DNM2: variants seen among roughly 807,000 people sequenced by gnomAD.
DNM2 encodes the protein dynamin 2.
A neutral mutation model predicts 99.0 loss-of-function variants in DNM2; 15 were observed. The observed-to-expected ratio is 0.15, with a 90% CI of 0.10 to 0.23. The LOEUF (loss-of-function observed/expected upper bound fraction) is 0.23. Ranked by LOEUF, DNM2 falls within the 10% of genes least tolerant of loss-of-function variation. The probability of loss-of-function intolerance (pLI) is 1.00; values close to 1 mark genes in which losing one functional copy is unlikely to be tolerated. For synonymous variants in DNM2, 525 were observed against 481.2 expected (o/e 1.09, Z -1.19); for missense variants, 742 against 1,189.4 (o/e 0.62, Z 5.53).
chr19:10,745,429 G>A (rs1316699787), intron 1 of DNM2, among the ~76,000 whole-genome samples: 2 of 152,214 alleles, frequency 1.3e-5, no homozygotes, highest in South Asian at 2.1e-4. Flanking sequence ...TTCTAGTTGG[G>A]ACTGTTAGAT....
intron 6 of DNM2, among the ~76,000 whole-genome samples, chr19:10,785,595 T>C (rs2071532649): frequency 6.6e-6 from 1 of 152,186 alleles, no homozygotes; most frequent in Admixed American, 6.5e-5. Flanking sequence ...CACACCTAGC[T>C]AATTTTTAAA....
intron 1 of DNM2, among the ~76,000 whole-genome samples, chr19:10,741,352 C>T (rs2069739101): frequency 6.6e-6 from 1 of 152,046 alleles, no homozygotes; most frequent in South Asian, 2.1e-4. Context: ...CCACCTCTGC[C>T]TCCCGAGTAG....
chr19:10,724,970 G>A (rs1157445380), intron 1 of DNM2, among the ~76,000 whole-genome samples: 2 of 152,242 alleles, frequency 1.3e-5, no homozygotes, highest in Admixed American at 1.3e-4. Context: ...TGCCTCAGTG[G>A]GTGCTGCACC....
chr19:10,822,779 G>A (rs943612855), intron 16 of DNM2, among the ~76,000 whole-genome samples: 2 of 151,174 alleles, frequency 1.3e-5, no homozygotes, highest in South Asian at 2.1e-4. Flanking sequence ...GATTACAGGC[G>A]TGAGCCACTG....
At chr19:10,734,207 G>A (rs1568268629) in intron 1 of DNM2, among the ~76,000 whole-genome samples, 1 of 151,364 alleles carries the variant, frequency 6.6e-6, no homozygotes, top group South Asian at 2.1e-4. Context: ...ATTGAGTGTG[G>A]TGGTATACAC....
chr19:10,820,109 G>C lies in DNM2; in HGVS notation c.1781+20G>C. 1 of 1,613,010 alleles carries C rather than the reference G, an allele frequency of 6.2e-7. No individual in the cohort carries two copies. Among genetic ancestry groups the C allele is most frequent in the Non-Finnish European group, 8.5e-7 (1 of 1,179,156 alleles). On this transcript the variant is annotated intron_variant, in intron 16 of 20. Coordinates refer to ENST00000389253, the MANE Select transcript of DNM2 (RefSeq NM_001005361.3). The surrounding 1 kb of genome is among the most constrained non-coding windows in gnomAD (Gnocchi z 4.3). ...GCAGAGGTGAGGGGCCCAGGGGCCT[G>C]GGGATGGCTCGGGGTGAAGACCAAT...
Position 10,783,079 on chromosome 19 carries a change from G to A in DNM2, c.808G>A (p.Asp270Asn), listed in dbSNP as rs1217925152. 30 of 1,613,484 alleles carry A rather than the reference G, an allele frequency of 1.9e-5. No homozygotes were observed. Among genetic ancestry groups the A allele is most frequent in the East Asian group, 6.7e-5 (3 of 44,902 alleles). Reference protein sequence around the residue: ...LSHPAYRHMADRMGTPHLQKT... With the variant: ...LSHPAYRHMANRMGTPHLQKT... ...CCACCCGGCCTACCGGCACATGGCC[G>A]ACCGCATGGGCACGCCACATCTGCA... The change falls in exon 6 of 21, where the codon GAC (aspartate) becomes AAC (asparagine). Residue 270 changes from aspartate to asparagine, a missense_variant. Physicochemically the swap from Asp to Asn is conservative, Grantham distance 23 (BLOSUM62 1). Coordinates refer to ENST00000389253, the MANE Select transcript of DNM2 (RefSeq NM_001005361.3).
intron 14 of DNM2, chr19:10,809,651 G>T (rs931384132): frequency 6.6e-6 from 1 of 152,364 alleles, no homozygotes; most frequent in African/African-American, 2.4e-5. Context: ...GCCTCAGCCC[G>T]GCTCTTACAC....
chr19:10,814,577 C>G (rs542078286), intron 15 of DNM2, among the ~76,000 whole-genome samples: 3 of 152,264 alleles, frequency 2.0e-5, no homozygotes, highest in South Asian at 4.1e-4. Context: ...TATGTTTGTA[C>G]CCATTAACCC....
chr19:10,794,754 CA>C (rs988830803), intron 8 of DNM2, among the ~76,000 whole-genome samples: 1 of 148,924 alleles, frequency 6.7e-6, no homozygotes, highest in African/African-American at 2.5e-5. Context: ...CAAAAAAAAA[CA>C]AAAAAAACAA....
chr19:10,720,795 G>C (rs1039539490), intron 1 of DNM2, among the ~76,000 whole-genome samples: 2 of 152,186 alleles, frequency 1.3e-5, no homozygotes, highest in African/African-American at 4.8e-5. Context: ...GGTCTACATG[G>C]ATGGGGCTAT....
chr19:10,780,365 A>G, intron 5 of DNM2: 1 of 152,674 alleles, frequency 6.5e-6, no homozygotes, highest in Non-Finnish European at 1.5e-5. Flanking sequence ...GGACACTGTT[A>G]GGCCTCCATC....
At chr19:10,825,832 T>G (rs1180251643) in intron 18 of DNM2, among the ~76,000 whole-genome samples, 1 of 139,476 alleles carries the variant, frequency 7.2e-6, no homozygotes, top group African/African-American at 2.7e-5. Flanking sequence ...CCAGCCTGGT[T>G]GACAGAGCGA....
At position 10,812,489 on chromosome 19, in the gene DNM2, AC is replaced by A; in HGVS notation, c.1671+114del. On this transcript the variant is annotated intron_variant, in intron 15 of 20. Transcript: ENST00000389253. This position sits in a 1 kb window ranked among gnomAD's most constrained non-coding sequence, Gnocchi z 4.0. ...TCACTGCGCCACTCTGCCCTGAGTC[AC>A]CATTAGGACTGTAACTCGCCGGGCA... The A allele has an allele frequency of 2.3e-6, 2 of 860,182 alleles. No individual in the cohort carries two copies. The highest frequency in any genetic ancestry group is 3.2e-4 in the Middle Eastern group (1 of 3,136). 53.3% of individuals were successfully genotyped at this position (860,182 alleles called of 1,614,324 possible). A position where few individuals can be genotyped will look rare whatever the true frequency, so the allele number is the denominator to read the frequency against.
chr19:10,800,859 C>T (rs1211292943), intron 11 of DNM2, among the ~76,000 whole-genome samples: 1 of 152,226 alleles, frequency 6.6e-6, no homozygotes, highest in Non-Finnish European at 1.5e-5. Flanking sequence ...ACTCATAAGC[C>T]CTGCTCCTCA....
chr19:10,754,284 TCTCA>T (rs957935830), intron 1 of DNM2, among the ~76,000 whole-genome samples: 6 of 150,346 alleles, frequency 4.0e-5, no homozygotes, highest in African/African-American at 1.5e-4. Context: ...TGAGACGGAG[TCTCA>T]CTCTGTTGCC....
intron 3 of DNM2, among the ~76,000 whole-genome samples, chr19:10,774,776 T>TTATTA (rs1304727264): frequency 1.4e-5 from 2 of 146,110 alleles, no homozygotes; most frequent in African/African-American, 5.1e-5. Flanking sequence ...TTATTATATA[T>TTATTA]TTATTTTTTT....
intron 1 of DNM2, among the ~76,000 whole-genome samples, chr19:10,747,891 T>C (rs887565695): frequency 3.3e-5 from 5 of 152,004 alleles, no homozygotes; most frequent in African/African-American, 9.7e-5. Flanking sequence ...TGCAGTTTGC[T>C]GGGAGCTGCC....
Position 10,823,842 on chromosome 19 carries a change from C to G in DNM2, c.1836C>G (p.Asp612Glu). 2.5e-6 allele frequency: 4 copies of G among 1,613,738 alleles called. No homozygotes were observed. Among genetic ancestry groups the G allele is most frequent in the Non-Finnish European group, 3.4e-6 (4 of 1,179,982 alleles). Residue 612 changes from aspartate (D) to glutamate (E), a missense_variant, in exon 17 of 21, where the codon GAC becomes GAG. Physicochemically the swap from Asp to Glu is conservative, Grantham distance 45. This residue lies in a region of DNM2 where 240 missense variants were observed against 431.3 expected (regional missense o/e 0.56). Transcript: ENST00000389253. ...QIELACDSQEDVDSWKASFLR... is the reference protein window; with the variant it reads ...QIELACDSQEEVDSWKASFLR... Reference sequence around the variant, plus strand: ...AGCTGGCCTGTGACTCCCAGGAAGACGTGGACAGCTGGAAGGCCTCGTTCC... The same window carrying G: ...AGCTGGCCTGTGACTCCCAGGAAGAGGTGGACAGCTGGAAGGCCTCGTTCC...
Sources: allele counts gnomAD v4.1 joint callset (sites outside exome capture counted in the v4.1 genomes callset), GRCh38; gene constraint gnomAD v4.1.1; regional missense constraint gnomAD v4.1.1; non-coding constraint Gnocchi (gnomAD v3.1); transcripts MANE v1.5; gene names NCBI Gene and HGNC (gene_info 2026-07-23, HGNC 2026-07-21).